SLC16A4: variants seen among roughly 807,000 people sequenced by gnomAD.
SLC16A4 encodes probable monocarboxylate transporter 5.
In SLC16A4, 39 loss-of-function variants were observed where a neutral mutation model predicts 47.9. The ratio of observed to expected loss-of-function variants is 0.81; its 90% CI spans 0.63 to 1.06. The LOEUF (loss-of-function observed/expected upper bound fraction) is 1.06. Ranked by LOEUF, SLC16A4 falls within the 50% of genes least tolerant of loss-of-function variation. The probability of loss-of-function intolerance (pLI) is 0.00; values close to 1 mark genes in which losing one functional copy is unlikely to be tolerated. For synonymous variants in SLC16A4, 189 were observed against 199.9 expected, an observed-to-expected ratio of 0.95 and a Z score of 0.46; for missense variants, 524 against 573.8, an observed-to-expected ratio of 0.91 and a Z score of 0.89.
intron 8 of SLC16A4, chr1:110,373,081 A>G (rs1426965322): frequency 6.6e-6 from 1 of 152,236 alleles, no homozygotes; most frequent in Admixed American, 6.5e-5. Context: ...CAGAACTCAC[A>G]TATATACCTG....
chr1:110,377,223 G>T, intron 6 of SLC16A4, 62 bp from the exon 7 acceptor site: 2 of 1,329,458 alleles, frequency 1.5e-6, no homozygotes, highest in Non-Finnish European at 2.1e-6. Flanking sequence ...AATGCATACA[G>T]CATCATTTCC....
chr1:110,389,414 C>A, intron 1 of SLC16A4, 59 bp from the exon 2 acceptor site: 1 of 1,043,826 alleles, frequency 9.6e-7, no homozygotes, highest in Non-Finnish European at 1.5e-6. Flanking sequence ...AACTTTTAAA[C>A]TTTTTATCTG....
chr1:110,373,229 T>A (rs538995461), intron 8 of SLC16A4, among the ~76,000 whole-genome samples: 1 of 152,352 alleles, frequency 6.6e-6, no homozygotes, highest in East Asian at 1.9e-4. Context: ...GTTGCTTGTC[T>A]TTTTCATTTG....
chr1:110,388,266 C>T (rs955900750), intron 2 of SLC16A4, among the ~76,000 whole-genome samples: 1 of 152,124 alleles, frequency 6.6e-6, no homozygotes, highest in Non-Finnish European at 1.5e-5. Flanking sequence ...CACTCTCACA[C>T]CTCAACCCCT....
chr1:110,381,563 C>A (rs920796629), intron 4 of SLC16A4, 89 bp downstream of exon 4: 3 of 1,331,952 alleles, frequency 2.3e-6, no homozygotes, highest in East Asian at 2.4e-5. Flanking sequence ...TCAAGCGATC[C>A]ACCCACTTTG....
Position 110,382,930 on chromosome 1 carries a change from C to G in SLC16A4, c.124G>C (p.Ala42Pro). ...VFVMGMTKTF[A>P]IFFVVFQEEF... ...TCTTGAAAGACCACAAAGAAAATTG[C>G]AAAAGTCTTGGTCATCCCCATCACA... Residue 42 changes from alanine (A) to proline (P), a missense_variant, in exon 3 of 9, where the codon GCA becomes CCA. Ala to Pro is a conservative substitution (Grantham distance 27). Transcript: ENST00000369779. 6.2e-7 allele frequency: 1 copy of G among 1,612,080 alleles called. No individual in the cohort carries two copies. Among genetic ancestry groups the G allele is most frequent in the Non-Finnish European group, 8.5e-7 (1 of 1,178,688 alleles).
Position 110,389,291 on chromosome 1 carries a change from G to GT in SLC16A4, c.32dup (p.Tyr11Ter). 6.2e-7 allele frequency: 1 copy of GT among 1,613,948 alleles called. No individual in the cohort carries two copies. The change falls in exon 2 of 9, where the codon TAC becomes TAAC. Residue 11 changes from tyrosine to a stop codon, truncating the protein, a stop_gained and frameshift_variant. Coordinates refer to ENST00000369779, the MANE Select transcript of SLC16A4 (RefSeq NM_004696.3). LOFTEE classifies it high-confidence loss of function. ...CCCATCCTCCATCCAGGGTTTTAGT[G>GT]TAAGGTTGGACCTTCCCCTCCCTCT... is the stretch of plus-strand genomic sequence containing the variant. MLKREGKVQP[Y>*]TKTLDGGWGW...
intron 8 of SLC16A4, among the ~76,000 whole-genome samples, chr1:110,367,452 G>C (rs1440580281): frequency 1.3e-5 from 2 of 152,236 alleles, no homozygotes; most frequent in East Asian, 3.9e-4. Context: ...AGACCAGCCT[G>C]GGCAACACAG....
chr1:110,386,160 G>A (rs181819092), intron 2 of SLC16A4, among the ~76,000 whole-genome samples: 27 of 152,274 alleles, frequency 1.8e-4, no homozygotes, highest in East Asian at 3.9e-4. Context: ...TGGTGTCTGC[G>A]TGTAGCAGCA....
intron 2 of SLC16A4, among the ~76,000 whole-genome samples, chr1:110,385,957 A>G (rs1371399594): frequency 6.6e-6 from 1 of 152,238 alleles, no homozygotes; most frequent in Non-Finnish European, 1.5e-5. Context: ...AGTTCATAAT[A>G]ATGTGATGAT....
intron 8 of SLC16A4, chr1:110,372,385 C>G (rs1219660121): frequency 6.6e-6 from 1 of 152,136 alleles, no homozygotes; most frequent in African/African-American, 2.4e-5. Context: ...TTCTGAAGAT[C>G]TAAGTTTGGT....
chr1:110,382,458 CA>C (rs200469040), intron 3 of SLC16A4, among the ~76,000 whole-genome samples: 111 of 136,772 alleles, frequency 8.1e-4, no homozygotes, highest in Non-Finnish European at 8.6e-4. Flanking sequence ...GACTGTGTCT[CA>C]AAAAAAAAAA....
chr1:110,373,329 C>T (rs989661087), intron 8 of SLC16A4, among the ~76,000 whole-genome samples: 7 of 152,214 alleles, frequency 4.6e-5, no homozygotes, highest in East Asian at 1.9e-4. Flanking sequence ...CTGGGACAGC[C>T]AATGAAGAAG....
Position 110,382,407 on chromosome 1 carries a change from C to T in SLC16A4, c.220+427G>A, listed in dbSNP as rs561255965. 1.3e-3 allele frequency among the ~76,000 whole-genome samples: 203 copies of T among 151,596 alleles called. 1 individual carries two copies. The highest frequency in any genetic ancestry group is 4.8e-3 in the African/African-American group (197 of 41,294). ...CTGGGAGGCAGAGGTTGCAGTGAGC[C>T]GAGATAGCACCACTGCACTCCAACC... is the stretch of plus-strand genomic sequence containing the variant. On this transcript the variant is annotated intron_variant, in intron 3 of 8. Transcript: ENST00000369779.
chr1:110,389,104 C>A, intron 2 of SLC16A4, 133 bp downstream of exon 2: 1 of 828,576 alleles, frequency 1.2e-6, no homozygotes, highest in Non-Finnish European at 2.1e-6. Context: ...CAGCTCCTGG[C>A]CTTGTTCCTG....
intron 8 of SLC16A4, among the ~76,000 whole-genome samples, chr1:110,367,697 A>G (rs1661464104): frequency 6.6e-6 from 1 of 152,222 alleles, no homozygotes; most frequent in South Asian, 2.1e-4. Context: ...GCCTGTCTCA[A>G]AAATTTAAAA....
Position 110,379,047 on chromosome 1 carries a change from C to T in SLC16A4, c.836G>A (p.Ser279Asn). The T allele has an allele frequency of 6.2e-7, 1 of 1,614,204 alleles. No homozygotes were observed. Among genetic ancestry groups the T allele is most frequent in the Non-Finnish European group, 8.5e-7 (1 of 1,180,032 alleles). Residue 279 changes from serine (S) to asparagine (N), a missense_variant, in exon 6 of 9, where the codon AGT (serine) becomes AAT (asparagine). Transcript: ENST00000369779. Reference protein sequence around the residue: ...NRLLLKSDEESDKVISWSCKQ... With the variant: ...NRLLLKSDEENDKVISWSCKQ... ...GCAGCTCCACGAAATAACCTTATCA[C>T]TTTCTTCATCACTCTTTAATAACAG...
intron 8 of SLC16A4, chr1:110,371,839 G>A (rs1661702708): frequency 6.6e-6 from 1 of 152,298 alleles, no homozygotes; most frequent in East Asian, 1.9e-4. Flanking sequence ...AAGGGACTTT[G>A]GGGTGGAGTG....
chr1:110,381,306 C>T (rs537379807), intron 4 of SLC16A4, among the ~76,000 whole-genome samples, 163 bp from the exon 5 acceptor site: 5 of 137,138 alleles, frequency 3.6e-5, no homozygotes, highest in African/African-American at 1.2e-4. Flanking sequence ...TGGATGGATG[C>T]ATATATACAT....
Sources: allele counts gnomAD v4.1 joint callset (sites outside exome capture counted in the v4.1 genomes callset), GRCh38; gene constraint gnomAD v4.1.1; transcripts MANE v1.5; gene names NCBI Gene and HGNC (gene_info 2026-07-23, HGNC 2026-07-21).